The following TNFRSF17 variants were observed in gnomAD, a reference collection of about 807,000 sequenced individuals.
TNFRSF17 encodes the protein TNF receptor superfamily member 17.
Under a neutral mutation model 9.9 loss-of-function variants are expected in TNFRSF17, and 13 were observed. The observed-to-expected ratio is 1.31, with a 90% CI of 0.85 to 2.08. TNFRSF17 has a LOEUF of 2.08. TNFRSF17 is among the 30% of genes most tolerant of loss of function. TNFRSF17 has a pLI of 0.00. For missense variants in TNFRSF17, 305 were observed against 225.8 expected, an observed-to-expected ratio of 1.35 and a Z score of -2.25; for synonymous variants, 99 against 83.7, an observed-to-expected ratio of 1.18 and a Z score of -1.00.
intron 2 of TNFRSF17, chr16:11,967,160 C>T (rs2055200819): frequency 5.0e-6 from 1 of 200,256 alleles, no homozygotes; most frequent in Non-Finnish European, 1.1e-5. Context: ...GCCATCACCT[C>T]CGACTAATTT....
At position 11,967,875 on chromosome 16, in the gene TNFRSF17, C is replaced by T; in HGVS notation, c.*28C>T. 1 of 1,600,742 alleles carries T rather than the reference C, an allele frequency of 6.2e-7. No individual in the cohort carries two copies. Among genetic ancestry groups the T allele is most frequent in the East Asian group, 2.2e-5 (1 of 44,710 alleles). ...AACCATTTCGACTCGAGCAGTGCCACTTTAAAAATCTTTTGTCAGAATAGA... is the reference window on the plus strand; with the variant it reads ...AACCATTTCGACTCGAGCAGTGCCATTTTAAAAATCTTTTGTCAGAATAGA... On this transcript the variant is annotated 3_prime_UTR_variant, in exon 3 of 3. Coordinates refer to ENST00000053243, the MANE Select transcript of TNFRSF17 (RefSeq NM_001192.3).
At chr16:11,966,148 A>C (rs1426683590) in intron 1 of TNFRSF17, 47 bp from the exon 2 acceptor site, 1 of 1,524,146 alleles carries the variant, frequency 6.6e-7, no homozygotes, top group African/African-American at 1.4e-5. Context: ...AAGTATGTGA[A>C]TATTATGTTA....
rs2055193566 is a variant in TNFRSF17, at chr16:11,966,317, T to C, written c.253T>C (p.Leu85=). The C allele has an allele frequency of 1.2e-5, 19 of 1,612,586 alleles. No individual in the cohort carries two copies. The highest frequency in any genetic ancestry group is 1.1e-4 in the East Asian group (5 of 44,846). The part of the protein sequence containing the change: ...FLLRKINSEP[L]KDEFKNTGSG... Reference sequence around the variant, plus strand: ...GCTAAGGAAGATAAACTCTGAACCATTAAAGGACGAGTTTAAAAACACAGG... The same window carrying C: ...GCTAAGGAAGATAAACTCTGAACCACTAAAGGACGAGTTTAAAAACACAGG... Residue 85 remains leucine, a synonymous_variant, in exon 2 of 3, where the codon TTA becomes CTA. Coordinates refer to ENST00000053243, the MANE Select transcript of TNFRSF17 (RefSeq NM_001192.3).
chr16:11,965,835 G>A (rs1028505123), intron 1 of TNFRSF17, among the ~76,000 whole-genome samples: 5 of 152,052 alleles, frequency 3.3e-5, no homozygotes, highest in East Asian at 1.9e-4. Flanking sequence ...GCCGGGTGCG[G>A]TGGATGGCTC....
chr16:11,967,527 C>G lies in TNFRSF17; in HGVS notation c.278-43C>G, dbSNP rs777905027. ...CTGCTAAGACTCTCATGACCACATT[C>G]TCTGTGAAGTTTGGGTTAATGTTTC... is the stretch of plus-strand genomic sequence containing the variant. On this transcript the variant is annotated intron_variant, in intron 2 of 2. Transcript: ENST00000053243. 2.5e-6 allele frequency: 4 copies of G among 1,583,206 alleles called. No homozygotes were observed. In the African/African-American group the frequency reaches 5.4e-5, roughly 21 times the overall value.
intron 2 of TNFRSF17, 143 bp downstream of exon 2, chr16:11,966,484 CT>C (rs2055195276): frequency 1.2e-6 from 1 of 862,088 alleles, no homozygotes; most frequent in Non-Finnish European, 1.7e-6. Context: ...ATTAAATGAA[CT>C]TGGTAGAGGT....
intron 1 of TNFRSF17, 40 bp downstream of exon 1, chr16:11,965,494 C>T (rs1054796052): frequency 6.2e-7 from 1 of 1,603,028 alleles, no homozygotes; most frequent in Non-Finnish European, 8.5e-7. Context: ...TTGGTGTGAA[C>T]TATTCTGTCT....
chr16:11,967,536 GT>G (rs752797260), intron 2 of TNFRSF17, 33 bp from the exon 3 acceptor site: 30 of 1,594,092 alleles, frequency 1.9e-5, no homozygotes, highest in Non-Finnish European at 2.6e-5. Context: ...TCTCTGTGAA[GT>G]TTGGGTTAAT....
rs779532238 is a variant in TNFRSF17 at position 11,967,775 on chromosome 16, G to A, written c.483G>A (p.Thr161=). The A allele has an allele frequency of 3.5e-5, 57 of 1,614,064 alleles. No individual in the cohort carries two copies. Among genetic ancestry groups the A allele is most frequent in the East Asian group, 1.8e-4 (8 of 44,904 alleles). Reference sequence around the variant, plus strand: ...CAACCATTCTTGTCACCACGAAAACGAATGACTATTGCAAGAGCCTGCCAG... The same window carrying A: ...CAACCATTCTTGTCACCACGAAAACAAATGACTATTGCAAGAGCCTGCCAG... ...EGATILVTTK[T]NDYCKSLPAA... Residue 161 remains threonine (T), a synonymous_variant, in exon 3 of 3, where the codon ACG becomes ACA. Coordinates refer to ENST00000053243, the MANE Select transcript of TNFRSF17 (RefSeq NM_001192.3).
chr16:11,967,872 C>A lies in TNFRSF17; in HGVS notation c.*25C>A. 6.2e-7 allele frequency: 1 copy of A among 1,603,224 alleles called. No homozygotes were observed. Among genetic ancestry groups the A allele is most frequent in the Non-Finnish European group, 8.5e-7 (1 of 1,173,860 alleles). ...ATTAACCATTTCGACTCGAGCAGTG[C>A]CACTTTAAAAATCTTTTGTCAGAAT... On this transcript the variant is annotated 3_prime_UTR_variant, in exon 3 of 3. Coordinates refer to ENST00000053243, the MANE Select transcript of TNFRSF17 (RefSeq NM_001192.3).
Position 11,965,360 on chromosome 16 carries a change from A to G in TNFRSF17, c.36A>G (p.Glu12=). The change falls in exon 1 of 3, where the codon GAA becomes GAG. Residue 12 remains glutamate, a synonymous_variant. Transcript: ENST00000053243. Reference sequence around the variant, plus strand: ...TGGCTGGGCAGTGCTCCCAAAATGAATATTTTGACAGTTTGTTGCATGCTT... The same window carrying G: ...TGGCTGGGCAGTGCTCCCAAAATGAGTATTTTGACAGTTTGTTGCATGCTT... The part of the protein sequence containing the change: ...LQMAGQCSQN[E]YFDSLLHACI... The G allele has an allele frequency of 3.7e-6, 6 of 1,614,184 alleles. No homozygotes were observed. Among genetic ancestry groups the G allele is most frequent in the South Asian group, 1.1e-5 (1 of 91,084 alleles).
At chr16:11,967,542 G>T (rs2055204800) in intron 2 of TNFRSF17, 28 bp from the exon 3 acceptor site, 2 of 1,598,720 alleles carry the variant, frequency 1.3e-6, no homozygotes, top group East Asian at 2.2e-5. Flanking sequence ...TGAAGTTTGG[G>T]TTAATGTTTC....
chr16:11,965,288 G>T lies in TNFRSF17; in HGVS notation c.-37G>T. The T allele has an allele frequency of 4.3e-6, 7 of 1,613,018 alleles. No individual in the cohort carries two copies. Among genetic ancestry groups the T allele is most frequent in the Non-Finnish European group, 5.9e-6 (7 of 1,179,378 alleles). ...GAGATATTACTTGTCCTTCCAGGCT[G>T]TTCTTTCTGTAGCTCCCTTGTTTTC... On this transcript the variant is annotated 5_prime_UTR_variant, in exon 1 of 3. Coordinates refer to ENST00000053243, the MANE Select transcript of TNFRSF17 (RefSeq NM_001192.3).
intron 2 of TNFRSF17, chr16:11,967,247 C>T (rs2055201509): frequency 7.5e-6 from 2 of 264,974 alleles, no homozygotes; most frequent in South Asian, 6.2e-5. Context: ...AGTGATCTGC[C>T]CGCCTCAGCT....
Position 11,966,213 on chromosome 16 carries a change from A to G in TNFRSF17, c.149A>G (p.Lys50Arg), listed in dbSNP as rs932851859. The change falls in exon 2 of 3, where the codon AAA (lysine) becomes AGA (arginine). Residue 50 changes from lysine to arginine, a missense_variant. Lys to Arg is a conservative substitution (Grantham distance 26, BLOSUM62 2). Coordinates refer to ENST00000053243, the MANE Select transcript of TNFRSF17 (RefSeq NM_001192.3). ...CATAAAGGTGTGACCAATTCAGTGA[A>G]AGGAACGAATGCGATTCTCTGGACC... ...YCNASVTNSV[K>R]GTNAILWTCL... 1 of 1,613,240 alleles carries G rather than the reference A, an allele frequency of 6.2e-7. No individual in the cohort carries two copies. Among genetic ancestry groups the G allele is most frequent in the Non-Finnish European group, 8.5e-7 (1 of 1,179,568 alleles).
chr16:11,967,451 C>A (rs2055203807), intron 2 of TNFRSF17, 119 bp from the exon 3 acceptor site: 2 of 1,065,090 alleles, frequency 1.9e-6, no homozygotes, highest in Non-Finnish European at 2.7e-6. Flanking sequence ...AAGACCCCAC[C>A]TCTAAAAAAT....
Position 11,965,257 on chromosome 16 carries a change from C to T in TNFRSF17, c.-68C>T, listed in dbSNP as rs543780169. ...CTCTTGCTGCATTTGCTCTGGAATTCTTGTAGAGATATTACTTGTCCTTCC... is the reference window on the plus strand; with the variant it reads ...CTCTTGCTGCATTTGCTCTGGAATTTTTGTAGAGATATTACTTGTCCTTCC... On this transcript the variant is annotated 5_prime_UTR_variant, in exon 1 of 3. Transcript: ENST00000053243. 96 of 1,593,744 alleles carry T rather than the reference C, an allele frequency of 6.0e-5. 2 individuals carry two copies. The South Asian group carries it at 1.0e-3, about 17-fold the overall frequency.
At chr16:11,967,458 A>G (rs1333376661) in intron 2 of TNFRSF17, 112 bp from the exon 3 acceptor site, 2 of 1,192,234 alleles carry the variant, frequency 1.7e-6, no homozygotes, top group African/African-American at 3.0e-5. Context: ...CACCTCTAAA[A>G]AATGAAAAAA....
At position 11,965,286 on chromosome 16, in the gene TNFRSF17, C is replaced by T. The variant is rs1275129923; in HGVS notation, c.-39C>T. On this transcript the variant is annotated 5_prime_UTR_variant, in exon 1 of 3. Coordinates refer to ENST00000053243, the MANE Select transcript of TNFRSF17 (RefSeq NM_001192.3). ...TAGAGATATTACTTGTCCTTCCAGG[C>T]TGTTCTTTCTGTAGCTCCCTTGTTT... 6.2e-7 allele frequency: 1 copy of T among 1,612,588 alleles called. No individual in the cohort carries two copies. Among genetic ancestry groups the T allele is most frequent in the African/African-American group, 1.3e-5 (1 of 74,958 alleles).
Sources: gnomAD v4.1 joint callset for allele counts (sites outside exome capture counted in the v4.1 genomes callset) on GRCh38, gnomAD v4.1.1 for gene constraint, MANE v1.5 for transcripts, NCBI Gene and HGNC (gene_info 2026-07-23, HGNC 2026-07-21) for gene names.